Variants in TMEM161B observed in about 807,000 individuals in gnomAD.
The protein encoded by TMEM161B is transmembrane protein 161B.
Under a neutral mutation model 61.8 loss-of-function variants are expected in TMEM161B, and 34 were observed. The observed-to-expected ratio is 0.55, with a 90% confidence interval of 0.42 to 0.73. The LOEUF is 0.73. TMEM161B is among the 30% of genes least tolerant of loss of function. TMEM161B has a pLI of 0.00. For missense variants in TMEM161B, 456 were observed against 558.5 expected, an observed-to-expected ratio of 0.82 and a Z score of 1.85; for synonymous variants, 167 against 192.8, an observed-to-expected ratio of 0.87 and a Z score of 1.11.
intron 1 of TMEM161B, among the ~76,000 whole-genome samples, chr5:88,257,732 G>A (rs1002989531): frequency 1.8e-4 from 28 of 152,266 alleles, no homozygotes; most frequent in African/African-American, 6.7e-4. Flanking sequence ...TAATGGCAAT[G>A]AATAATAATC....
intron 2 of TMEM161B, among the ~76,000 whole-genome samples, chr5:88,236,409 T>A (rs914768112): frequency 2.0e-5 from 3 of 152,114 alleles, no homozygotes; most frequent in Non-Finnish European, 4.4e-5. Flanking sequence ...ACAAAGAATA[T>A]AACCTAACAC....
chr5:88,227,630 T>C (rs940222404), intron 3 of TMEM161B, among the ~76,000 whole-genome samples: 3 of 152,228 alleles, frequency 2.0e-5, no homozygotes, highest in African/African-American at 7.2e-5. Flanking sequence ...CAAATAATCA[T>C]TAATGTTTAA....
intron 1 of TMEM161B, among the ~76,000 whole-genome samples, chr5:88,245,049 G>C (rs1033374325): frequency 3.3e-5 from 5 of 151,712 alleles, no homozygotes; most frequent in African/African-American, 1.2e-4. Flanking sequence ...CACAGACTGT[G>C]GGGTTTTCTA....
chr5:88,264,179 G>A (rs1482493423), intron 1 of TMEM161B, among the ~76,000 whole-genome samples: 1 of 151,668 alleles, frequency 6.6e-6, no homozygotes, highest in Non-Finnish European at 1.5e-5. Flanking sequence ...CTTAATTGCG[G>A]AACTTATTAA....
chr5:88,240,895 C>T lies in TMEM161B; in HGVS notation c.25G>A (p.Val9Ile), dbSNP rs749823435. Reference sequence around the variant, plus strand: ...ACACTGGCCATCACCATGGTAACAACCAGCTGTATACCTATCACACCCTGT... The same window carrying T: ...ACACTGGCCATCACCATGGTAACAATCAGCTGTATACCTATCACACCCTGT... MGVIGIQL[V>I]VTMVMASVMQ... Residue 9 changes from valine (V) to isoleucine (I), a missense_variant, in exon 2 of 12, where the codon GTT (valine) becomes ATT (isoleucine). Val to Ile is a conservative substitution (Grantham distance 29). Transcript: ENST00000296595. 6.2e-6 allele frequency: 10 copies of T among 1,609,768 alleles called. No homozygotes were observed. Among genetic ancestry groups the T allele is most frequent in the East Asian group, 2.2e-5 (1 of 44,720 alleles).
At chr5:88,219,277 G>A (rs1748485368) in intron 5 of TMEM161B, among the ~76,000 whole-genome samples, 1 of 152,128 alleles carries the variant, frequency 6.6e-6, no homozygotes, top group Admixed American at 6.5e-5. Flanking sequence ...GTGGCTAACT[G>A]CCAGCCCAAA....
At chr5:88,205,196 A>C (rs578037019) in intron 8 of TMEM161B, among the ~76,000 whole-genome samples, 7 of 152,290 alleles carry the variant, frequency 4.6e-5, no homozygotes, top group African/African-American at 1.7e-4. Flanking sequence ...ACTACATATG[A>C]AGATGAAATG....
intron 7 of TMEM161B, 104 bp from the exon 8 acceptor site, chr5:88,206,058 A>G: frequency 3.1e-6 from 3 of 963,258 alleles, no homozygotes; most frequent in Non-Finnish European, 4.6e-6. Context: ...TAACAGTAAA[A>G]CAAAGCAAAT....
chr5:88,207,310 T>A, intron 5 of TMEM161B, 130 bp from the exon 6 acceptor site: 2 of 879,734 alleles, frequency 2.3e-6, no homozygotes, highest in Non-Finnish European at 3.3e-6. Flanking sequence ...AAAACACTTT[T>A]AAATTAAGGA....
intron 2 of TMEM161B, among the ~76,000 whole-genome samples, chr5:88,232,250 T>C (rs886902840): frequency 6.6e-6 from 1 of 152,164 alleles, no homozygotes; most frequent in Non-Finnish European, 1.5e-5. Flanking sequence ...GGAACATGCA[T>C]GTATGGACCA....
chr5:88,207,617 C>T (rs1316753578), intron 5 of TMEM161B, among the ~76,000 whole-genome samples: 3 of 152,096 alleles, frequency 2.0e-5, no homozygotes, highest in Non-Finnish European at 4.4e-5. Context: ...TGTCTGGGGT[C>T]ACCACTTCAC....
At chr5:88,237,263 C>T (rs531714666) in intron 2 of TMEM161B, among the ~76,000 whole-genome samples, 2 of 152,240 alleles carry the variant, frequency 1.3e-5, no homozygotes, top group Non-Finnish European at 2.9e-5. Flanking sequence ...AAGGCCCCAG[C>T]CTATGTAATG....
At chr5:88,250,895 T>A (rs1013078329) in intron 1 of TMEM161B, 1 of 152,168 alleles carries the variant, frequency 6.6e-6, no homozygotes, top group Non-Finnish European at 1.5e-5. Context: ...CCTGATGGGC[T>A]CTTCCTGACT....
At chr5:88,241,570 T>C (rs1561398071) in intron 1 of TMEM161B, among the ~76,000 whole-genome samples, 2 of 151,874 alleles carry the variant, frequency 1.3e-5, no homozygotes, top group Non-Finnish European at 2.9e-5. Context: ...GTTTTAATCC[T>C]AGGTGGTAGT....
At chr5:88,199,882 G>A (rs1035451606) in intron 9 of TMEM161B, 2 of 152,032 alleles carry the variant, frequency 1.3e-5, no homozygotes, top group African/African-American at 4.8e-5. Flanking sequence ...TTTCTGCTCT[G>A]ATGAAGAACT....
chr5:88,194,507 C>A (rs575828263), downstream of TMEM161B, among the ~76,000 whole-genome samples: 2 of 152,034 alleles, frequency 1.3e-5, no homozygotes, highest in Admixed American at 1.3e-4. Context: ...TGGATTGATA[C>A]CTAATGATGA....
chr5:88,224,925 A>ACACAGTAT (rs1749698883), intron 4 of TMEM161B, among the ~76,000 whole-genome samples: 1 of 151,538 alleles, frequency 6.6e-6, no homozygotes, highest in Admixed American at 6.6e-5. Context: ...TATTGTTATA[A>ACACAGTAT]CACAGTATAT....
intron 1 of TMEM161B, among the ~76,000 whole-genome samples, chr5:88,246,060 C>T (rs1199001195): frequency 6.6e-6 from 1 of 151,786 alleles, no homozygotes; most frequent in Admixed American, 6.6e-5. Context: ...ATAGTACATT[C>T]TCAGTGTTAA....
At chr5:88,252,046 T>G (rs1394356602) in intron 1 of TMEM161B, among the ~76,000 whole-genome samples, 1 of 152,176 alleles carries the variant, frequency 6.6e-6, no homozygotes, top group Non-Finnish European at 1.5e-5. Context: ...AATATACATA[T>G]TAAAATAATA....
Sources: gnomAD v4.1 joint callset for allele counts (sites outside exome capture counted in the v4.1 genomes callset) on GRCh38, gnomAD v4.1.1 for gene constraint, MANE v1.5 for transcripts, NCBI Gene and HGNC (gene_info 2026-07-23, HGNC 2026-07-21) for gene names.